Variants in ADAM15 observed in about 807,000 individuals in gnomAD.
ADAM15 encodes disintegrin and metalloproteinase domain-containing protein 15.
Under a neutral mutation model 113.8 loss-of-function variants are expected in ADAM15, and 77 were observed. The observed-to-expected ratio is 0.68, with a 90% confidence interval of 0.56 to 0.82. The LOEUF (loss-of-function observed/expected upper bound fraction) is 0.82, where lower values mean the gene tolerates loss of function less well. ADAM15 is among the 40% of genes least tolerant of loss of function. The probability of loss-of-function intolerance (pLI) is 0.00; values close to 1 mark genes in which losing one functional copy is unlikely to be tolerated. For synonymous variants in ADAM15, 388 were observed against 454.1 expected, an observed-to-expected ratio of 0.85 and a Z score of 1.85; for missense variants, 963 against 1,120.1, an observed-to-expected ratio of 0.86 and a Z score of 2.00.
chr1:155,060,383 G>A (rs1662408147), intron 18 of ADAM15, 40 bp downstream of exon 18: 1 of 1,610,070 alleles, frequency 6.2e-7, no homozygotes, highest in African/African-American at 1.3e-5. Context: ...CCTTCAACTG[G>A]GGACAGTGCT....
chr1:155,053,364 G>T (rs1361233011), intron 2 of ADAM15, 53 bp from the exon 3 acceptor site: 9 of 1,546,828 alleles, frequency 5.8e-6, no homozygotes, highest in Non-Finnish European at 8.0e-6. Context: ...GGTTAGAGAG[G>T]CTGGGAGTTG....
In ADAM15 at chr1:155,062,014, C is replaced by T. The variant is rs375006248; in HGVS notation, c.2424+39C>T. On this transcript the variant is annotated intron_variant, in intron 21 of 22. Coordinates refer to ENST00000356955, the MANE Select transcript of ADAM15 (RefSeq NM_207197.3). The surrounding 1 kb of genome is among the most constrained non-coding windows in gnomAD (Gnocchi z 7.0). ...GAGAGAAGGGCACGGCCTCTCCCCC[C>T]ACCTAGGGCTGTGGTGCTGGTAGCC... 33 of 1,506,402 alleles carry T rather than the reference C, an allele frequency of 2.2e-5. No homozygotes were observed. The highest frequency in any genetic ancestry group is 2.8e-5 in the Non-Finnish European group (31 of 1,126,526). The allele number at this position is 1,506,402 out of a possible 1,614,324, so 93.3% of individuals were successfully genotyped here.
rs1263682924 is a variant in ADAM15 at position 155,056,005 on chromosome 1, G to A, written c.744+5G>A. On this transcript the variant is annotated splice_donor_5th_base_variant and intron_variant, in intron 8 of 22. Transcript: ENST00000356955. The surrounding 1 kb of genome is among the most constrained non-coding windows in gnomAD (Gnocchi z 4.0). ...GTGGCCCTCTTGCTGGACACAGTGA[G>A]TGCTGGACAGGGCAACCCCCACCCC... is the stretch of plus-strand genomic sequence containing the variant. The A allele has an allele frequency of 1.2e-6, 2 of 1,613,594 alleles. No individual in the cohort carries two copies. Among genetic ancestry groups the A allele is most frequent in the South Asian group, 1.1e-5 (1 of 91,086 alleles).
At chr1:155,060,530 C>T (rs1276740690) in intron 18 of ADAM15, among the ~76,000 whole-genome samples, 187 bp downstream of exon 18, 1 of 152,182 alleles carries the variant, frequency 6.6e-6, no homozygotes, top group Non-Finnish European at 1.5e-5. Flanking sequence ...ACAGCTGTGC[C>T]CCTGTGGGGT....
rs144988372 is a variant in ADAM15, at chr1:155,053,418, C to A, written c.188C>A (p.Thr63Asn). Reference sequence around the variant, plus strand: ...TGACCTGCCCTCTGGTGCCCACAGACCAGTCTGCCTGAGCCCCTGAGGATC... The same window carrying A: ...TGACCTGCCCTCTGGTGCCCACAGAACAGTCTGCCTGAGCCCCTGAGGATC... ...LPISLKKVLQ[T>N]SLPEPLRIKL... Residue 63 changes from threonine to asparagine, a missense_variant and splice_region_variant, in exon 3 of 23, where the codon ACC becomes AAC. By Grantham distance (65) the Thr-to-Asn change is moderately conservative. Transcript: ENST00000356955. The A allele has an allele frequency of 3.7e-6, 6 of 1,613,906 alleles. No individual in the cohort carries two copies. The highest frequency in any genetic ancestry group is 4.2e-6 in the Non-Finnish European group (5 of 1,180,020).
chr1:155,051,355 G>A lies in ADAM15; in HGVS notation c.-32G>A, dbSNP rs533111229. On this transcript the variant is annotated 5_prime_UTR_variant, in exon 1 of 23. Transcript: ENST00000356955. Reference sequence around the variant, plus strand: ...CTCCTCCGCGCGCTGTTCCGCACTTGCTGCCCTCGCCCGGCCCGGAGCGCC... The same window carrying A: ...CTCCTCCGCGCGCTGTTCCGCACTTACTGCCCTCGCCCGGCCCGGAGCGCC... The A allele has an allele frequency of 9.5e-5, 140 of 1,475,724 alleles. No individual in the cohort carries two copies. The African/African-American group carries it at 1.9e-3, about 20-fold the overall frequency. The allele number at this position is 1,475,724 out of a possible 1,614,324, so 91.4% of individuals were successfully genotyped here.
chr1:155,052,587 G>A, intron 1 of ADAM15, 84 bp from the exon 2 acceptor site: 1 of 1,552,082 alleles, frequency 6.4e-7, no homozygotes, highest in Non-Finnish European at 8.7e-7. Context: ...TGGGCTGGGA[G>A]CTGGTGGATC....
chr1:155,052,927 C>T (rs1661271271), intron 2 of ADAM15, 150 bp downstream of exon 2: 1 of 1,048,322 alleles, frequency 9.5e-7, no homozygotes. Flanking sequence ...TCCCACCACA[C>T]CCCAGCACCT....
At chr1:155,051,803 T>C in intron 1 of ADAM15, 1 of 233,070 alleles carries the variant, frequency 4.3e-6, no homozygotes, top group Non-Finnish European at 8.4e-6. Flanking sequence ...GACTGGCATC[T>C]TCGCTGCTCT....
chr1:155,059,229 A>G (rs575947024), intron 16 of ADAM15, among the ~76,000 whole-genome samples: 9 of 152,202 alleles, frequency 5.9e-5, no homozygotes, highest in Non-Finnish European at 1.3e-4. Context: ...CACCATGCCC[A>G]GCTAATTTTT....
rs1335683032 is a variant in ADAM15, at chr1:155,062,328, C to T, written c.2508C>T (p.Pro836=). The T allele has an allele frequency of 1.4e-5, 22 of 1,539,330 alleles. No individual in the cohort carries two copies. The highest frequency in any genetic ancestry group is 2.0e-5 in the Admixed American group (1 of 51,132). ...GCCGGTGCCCATCGGGTGACCTGCC[C>T]GGCCCAGGGGCTGGAATCCCGCCCC... ...PQGRCPSGDL[P]GPGAGIPPLV... is the part of the protein sequence containing the mutation. The change falls in exon 22 of 23, where the codon CCC becomes CCT. Residue 836 remains proline (P), a synonymous_variant. Transcript: ENST00000356955. The surrounding 1 kb of genome is among the most constrained non-coding windows in gnomAD (Gnocchi z 7.0).
At position 155,057,218 on chromosome 1, in the gene ADAM15, C is replaced by T. The variant is rs1311192229; in HGVS notation, c.1179C>T (p.Cys393=). 1.2e-6 allele frequency: 2 copies of T among 1,613,822 alleles called. No individual in the cohort carries two copies. The highest frequency in any genetic ancestry group is 2.2e-5 in the East Asian group (1 of 44,900). Residue 393 remains cysteine (C), a synonymous_variant, in exon 12 of 23, where the codon TGC becomes TGT. Coordinates refer to ENST00000356955, the MANE Select transcript of ADAM15 (RefSeq NM_207197.3). The surrounding 1 kb of genome is among the most constrained non-coding windows in gnomAD (Gnocchi z 5.0). ...TACCAGGCCTGAACTTCAGCAACTGCAGCCGACGGGCCCTGGAGAAAGCCC... is the reference window on the plus strand; with the variant it reads ...TACCAGGCCTGAACTTCAGCAACTGTAGCCGACGGGCCCTGGAGAAAGCCC... ...DFLPGLNFSN[C]SRRALEKALL...
In ADAM15 at chr1:155,057,537, G is replaced by C. The variant is rs1462074915; in HGVS notation, c.1324-100G>C. ...TGTTGGGCTCTAGCCCTCGCTTGCT[G>C]TGTAGCTTCTGGTCTTGGCCTGTGG... On this transcript the variant is annotated intron_variant, in intron 12 of 22. Coordinates refer to ENST00000356955, the MANE Select transcript of ADAM15 (RefSeq NM_207197.3). The surrounding 1 kb of genome is among the most constrained non-coding windows in gnomAD (Gnocchi z 5.0). The C allele has an allele frequency of 1.3e-6, 2 of 1,525,982 alleles. No homozygotes were observed. Among genetic ancestry groups the C allele is most frequent in the Non-Finnish European group, 1.8e-6 (2 of 1,106,818 alleles). The allele number at this position is 1,525,982 out of a possible 1,614,324, so 94.5% of individuals were successfully genotyped here.
In ADAM15 at chr1:155,058,529, T is replaced by G; in HGVS notation, c.1917+88T>G. The G allele has an allele frequency of 6.4e-7, 1 of 1,564,132 alleles. No individual in the cohort carries two copies. The highest frequency in any genetic ancestry group is 8.6e-7 in the Non-Finnish European group (1 of 1,158,184). Reference sequence around the variant, plus strand: ...GCCCAGACTTCACCATTCACCAATGTCAAAGGCAGGGACTCCAAGGGAAGT... The same window carrying G: ...GCCCAGACTTCACCATTCACCAATGGCAAAGGCAGGGACTCCAAGGGAAGT... On this transcript the variant is annotated intron_variant, in intron 15 of 22. Coordinates refer to ENST00000356955, the MANE Select transcript of ADAM15 (RefSeq NM_207197.3). The surrounding 1 kb of genome is among the most constrained non-coding windows in gnomAD (Gnocchi z 4.3).
In ADAM15 at chr1:155,058,582, T is replaced by C; in HGVS notation, c.1918-128T>C. On this transcript the variant is annotated intron_variant, in intron 15 of 22. Transcript: ENST00000356955. The surrounding 1 kb of genome is among the most constrained non-coding windows in gnomAD (Gnocchi z 4.3). ...GTTTCTTACTTCAGATGGAGCAAAG[T>C]CCTATCAACTCACTATGCCTTGGTT... 1.3e-6 allele frequency: 2 copies of C among 1,551,244 alleles called. No homozygotes were observed. Among genetic ancestry groups the C allele is most frequent in the South Asian group, 1.2e-5 (1 of 84,440 alleles).
At position 155,062,031 on chromosome 1, in the gene ADAM15, C is replaced by T. The variant is rs1163165358; in HGVS notation, c.2424+56C>T. On this transcript the variant is annotated intron_variant, in intron 21 of 22. Coordinates refer to ENST00000356955, the MANE Select transcript of ADAM15 (RefSeq NM_207197.3). The surrounding 1 kb of genome is among the most constrained non-coding windows in gnomAD (Gnocchi z 7.0). ...TCTCCCCCCACCTAGGGCTGTGGTG[C>T]TGGTAGCCATGACGGTGGTGGCCGT... is the stretch of plus-strand genomic sequence containing the variant. 2 of 1,491,536 alleles carry T rather than the reference C, an allele frequency of 1.3e-6. No individual in the cohort carries two copies. The highest frequency in any genetic ancestry group is 1.8e-6 in the Non-Finnish European group (2 of 1,118,034). 92.4% of individuals were successfully genotyped at this position (1,491,536 alleles called of 1,614,324 possible).
In ADAM15 at chr1:155,054,454, T is replaced by C; in HGVS notation, c.560T>C (p.Val187Ala). 6.2e-7 allele frequency: 1 copy of C among 1,608,572 alleles called. No homozygotes were observed. The highest frequency in any genetic ancestry group is 8.5e-7 in the Non-Finnish European group (1 of 1,176,940). Residue 187 changes from valine (V) to alanine (A), a missense_variant, in exon 6 of 23, where the codon GTA (valine) becomes GCA (alanine). By Grantham distance (64) the Val-to-Ala change is moderately conservative. Transcript: ENST00000356955. ...TGTGCCCTGAGCTGGCGGGAATCTG[T>C]ACACACTCAGAAGCCACCAGAGCAC... The part of the protein sequence containing the change: ...HTCALSWRES[V>A]HTQKPPEHPL...
In ADAM15 at chr1:155,061,343, C is replaced by A. The variant is rs1662569147; in HGVS notation, c.2278-72C>A. ...CTGCTGGCCCCCCCTGGGCACTGAC[C>A]CTTCCCTGCCCACTCTGTCTCTCTG... is the stretch of plus-strand genomic sequence containing the variant. On this transcript the variant is annotated intron_variant, in intron 19 of 22. Coordinates refer to ENST00000356955, the MANE Select transcript of ADAM15 (RefSeq NM_207197.3). The A allele has an allele frequency of 3.1e-6, 4 of 1,302,664 alleles. No individual in the cohort carries two copies. In the Admixed American group the frequency reaches 5.5e-5, roughly 18 times the overall value. 80.7% of individuals were successfully genotyped at this position (1,302,664 alleles called of 1,614,324 possible). A position where few individuals can be genotyped will look rare whatever the true frequency, so the allele number is the denominator to read the frequency against.
At chr1:155,061,246 C>T (rs1662551774) in intron 19 of ADAM15, 169 bp from the exon 20 acceptor site, 1 of 599,378 alleles carries the variant, frequency 1.7e-6, no homozygotes, top group African/African-American at 1.9e-5. Flanking sequence ...TGTGTGCACA[C>T]CTCCTCCCCA....
Sources: allele counts gnomAD v4.1 joint callset (sites outside exome capture counted in the v4.1 genomes callset), GRCh38; gene constraint gnomAD v4.1.1; non-coding constraint Gnocchi (gnomAD v3.1); transcripts MANE v1.5; gene names NCBI Gene and HGNC (gene_info 2026-07-23, HGNC 2026-07-21).